DENND1B: variants seen among roughly 807,000 people sequenced by gnomAD.
The protein encoded by DENND1B is DENN domain-containing protein 1B.
Under a neutral mutation model 90.1 loss-of-function variants are expected in DENND1B, and 59 were observed. The observed-to-expected ratio is 0.65, with a 90% CI of 0.53 to 0.81. The LOEUF is 0.81. Ranked by LOEUF, DENND1B falls within the 40% of genes least tolerant of loss-of-function variation. DENND1B has a pLI of 0.00. For missense variants in DENND1B, 862 were observed against 912.6 expected, an observed-to-expected ratio of 0.94 and a Z score of 0.71; for synonymous variants, 337 against 324.6, an observed-to-expected ratio of 1.04 and a Z score of -0.41.
intron 2 of DENND1B, among the ~76,000 whole-genome samples, chr1:197,754,593 G>T (rs1654008569): frequency 7.1e-6 from 1 of 140,492 alleles, no homozygotes; most frequent in South Asian, 2.3e-4. Flanking sequence ...AGGAGGCAAA[G>T]GCTGCAGTAA....
In DENND1B at chr1:197,508,287, C is replaced by T. The variant is rs2125586319; in HGVS notation, c.*2173G>A. The stretch of plus-strand genomic sequence containing the variant: ...AATATTTGCCAAGCAGATTAACAAC[C>T]AGAGTAACCTTTTTTCCTTCTGATT... On this transcript the variant is annotated 3_prime_UTR_variant, in exon 23 of 23. Coordinates refer to ENST00000620048, the MANE Select transcript of DENND1B (RefSeq NM_001195215.2). 1 of 151,800 alleles carries T rather than the reference C, an allele frequency of 6.6e-6. No homozygotes were observed. The highest frequency in any genetic ancestry group is 2.4e-5 in the African/African-American group (1 of 41,494). 9.4% of individuals were successfully genotyped at this position (151,800 alleles called of 1,614,324 possible). A position where few individuals can be genotyped will look rare whatever the true frequency, so the allele number is the denominator to read the frequency against.
At chr1:197,676,545 G>GC (rs1393826664) in intron 3 of DENND1B, among the ~76,000 whole-genome samples, 5 of 151,806 alleles carry the variant, frequency 3.3e-5, no homozygotes, top group Non-Finnish European at 7.4e-5. Context: ...ACAGACTTTT[G>GC]CATTTAAAGA....
At chr1:197,709,877 G>T (rs1384193572) in intron 3 of DENND1B, among the ~76,000 whole-genome samples, 1 of 140,374 alleles carries the variant, frequency 7.1e-6, no homozygotes, top group Non-Finnish European at 1.5e-5. Flanking sequence ...TAAAAGGATG[G>T]CGGAAGATCT....
At chr1:197,517,283 A>G (rs552302603) in intron 20 of DENND1B, among the ~76,000 whole-genome samples, 1 of 152,008 alleles carries the variant, frequency 6.6e-6, no homozygotes, top group African/African-American at 2.4e-5. Context: ...AAGTTTCTCA[A>G]TAACTATTTG....
At chr1:197,717,541 T>C (rs1660760251) in intron 2 of DENND1B, among the ~76,000 whole-genome samples, 1 of 151,976 alleles carries the variant, frequency 6.6e-6, no homozygotes, top group Admixed American at 6.6e-5. Context: ...ATAAATATAT[T>C]TAATCTCTTA....
chr1:197,770,914 AT>A (rs113477593), intron 2 of DENND1B, among the ~76,000 whole-genome samples: 214 of 136,376 alleles, frequency 1.6e-3, no homozygotes, highest in African/African-American at 3.2e-3. Flanking sequence ...ATCTATATAG[AT>A]TTTTTTTTTT....
chr1:197,650,357 C>T (rs529029249), intron 7 of DENND1B, among the ~76,000 whole-genome samples: 136 of 152,256 alleles, frequency 8.9e-4, no homozygotes, highest in African/African-American at 3.1e-3. Flanking sequence ...CCGCATCCCA[C>T]GTCAATAGTA....
At chr1:197,761,516 G>C (rs1007455148) in intron 2 of DENND1B, among the ~76,000 whole-genome samples, 1 of 152,026 alleles carries the variant, frequency 6.6e-6, no homozygotes, top group Non-Finnish European at 1.5e-5. Context: ...CATGTTTCCT[G>C]TATAAACATG....
At position 197,768,254 on chromosome 1, in the gene DENND1B, T is replaced by TTCC. The variant is rs993045743; in HGVS notation, c.82+4611_82+4613dup. ...CCTTCTCTTCCTCCTCCTCCTCCCTTTCCTCCTCCTCCTCCTCCTCCTACT... is the reference window on the plus strand; with the variant it reads ...CCTTCTCTTCCTCCTCCTCCTCCCTTTCCTCCTCCTCCTCCTCCTCCTCCTACT... On this transcript the variant is annotated intron_variant, in intron 2 of 22. Transcript: ENST00000620048. Among the ~76,000 whole-genome samples, 150 of 148,206 alleles carry TTCC rather than the reference T, an allele frequency of 1.0e-3. 1 individual carries two copies. The highest frequency in any genetic ancestry group is 3.5e-3 in the African/African-American group (140 of 40,080).
At chr1:197,724,301 A>G (rs1279134749) in intron 2 of DENND1B, among the ~76,000 whole-genome samples, 1 of 152,150 alleles carries the variant, frequency 6.6e-6, no homozygotes, top group East Asian at 1.9e-4. Context: ...ACAAAACATC[A>G]AAGAACCAAA....
At chr1:197,554,839 A>AC (rs1671579213) in intron 15 of DENND1B, among the ~76,000 whole-genome samples, 1 of 148,754 alleles carries the variant, frequency 6.7e-6, no homozygotes, top group African/African-American at 2.5e-5. Context: ...TCTCAAAAAA[A>AC]AAAAAAAAAA....
chr1:197,608,459 T>C (rs1380110531), intron 12 of DENND1B, among the ~76,000 whole-genome samples: 3 of 150,596 alleles, frequency 2.0e-5, no homozygotes, highest in Non-Finnish European at 3.0e-5. Context: ...TTTTCACATA[T>C]ATGCAAAAAG....
intron 2 of DENND1B, among the ~76,000 whole-genome samples, chr1:197,771,518 C>T (rs1169765774): frequency 6.6e-6 from 1 of 152,182 alleles, no homozygotes; most frequent in Admixed American, 6.5e-5. Flanking sequence ...CAAACCTGAC[C>T]ACAGCTGCAG....
At chr1:197,513,726 AT>A (rs916707218) in intron 20 of DENND1B, among the ~76,000 whole-genome samples, 7 of 151,470 alleles carry the variant, frequency 4.6e-5, no homozygotes, top group Non-Finnish European at 8.9e-5. Context: ...TTCTCCCCAT[AT>A]TTTTTAGTAC....
chr1:197,754,854 A>G (rs1215642235), intron 2 of DENND1B, among the ~76,000 whole-genome samples: 1 of 152,048 alleles, frequency 6.6e-6, no homozygotes, highest in Non-Finnish European at 1.5e-5. Flanking sequence ...GTTCAACAAA[A>G]TATTACCCAT....
At chr1:197,646,147 G>A (rs1476947796) in intron 8 of DENND1B, among the ~76,000 whole-genome samples, 1 of 151,748 alleles carries the variant, frequency 6.6e-6, no homozygotes, top group African/African-American at 2.4e-5. Context: ...ATTTAGTTGA[G>A]GTGGACTGGA....
At chr1:197,623,604 T>A (rs572825376) in intron 10 of DENND1B, among the ~76,000 whole-genome samples, 1 of 151,600 alleles carries the variant, frequency 6.6e-6, no homozygotes, top group South Asian at 2.1e-4. Flanking sequence ...TAGAATACTT[T>A]TACATTCATA....
At chr1:197,647,852 G>A (rs116071203) in intron 7 of DENND1B, among the ~76,000 whole-genome samples, 2,759 of 151,330 alleles carry the variant, frequency 0.018, 79 homozygotes, top group African/African-American at 0.063. Flanking sequence ...GGAGGCCAAG[G>A]CAGGAGAATC....
chr1:197,626,942 T>C (rs1233215792), intron 10 of DENND1B, among the ~76,000 whole-genome samples: 1 of 152,090 alleles, frequency 6.6e-6, no homozygotes, highest in East Asian at 1.9e-4. Context: ...AATGGATAAA[T>C]TCCTCGACAC....
Sources: gnomAD v4.1 joint callset for allele counts (sites outside exome capture counted in the v4.1 genomes callset) on GRCh38, gnomAD v4.1.1 for gene constraint, MANE v1.5 for transcripts, NCBI Gene and HGNC (gene_info 2026-07-23, HGNC 2026-07-21) for gene names.